Variants in CEP128 observed in about 807,000 individuals in gnomAD.
CEP128 encodes the protein centrosomal protein 128.
Under a neutral mutation model 156.7 loss-of-function variants are expected in CEP128, and 132 were observed. That is an observed-to-expected ratio of 0.84 (90% CI 0.73 to 0.97). CEP128 has a LOEUF of 0.97. Ranked by LOEUF, CEP128 falls within the 50% of genes least tolerant of loss-of-function variation. The probability of loss-of-function intolerance (pLI) is 0.00; values close to 1 mark genes in which losing one functional copy is unlikely to be tolerated. For synonymous variants in CEP128, 469 were observed against 448.9 expected, an observed-to-expected ratio of 1.04 and a Z score of -0.57; for missense variants, 1,252 against 1,281.9, an observed-to-expected ratio of 0.98 and a Z score of 0.36.
At chr14:80,674,874 A>G (rs748438261) in intron 19 of CEP128, among the ~76,000 whole-genome samples, 1 of 152,094 alleles carries the variant, frequency 6.6e-6, no homozygotes, top group Non-Finnish European at 1.5e-5. Context: ...TCTTGCTCCA[A>G]TGCATAAATG....
At chr14:80,807,431 C>A (rs920754180) in intron 13 of CEP128, among the ~76,000 whole-genome samples, 4 of 152,182 alleles carry the variant, frequency 2.6e-5, no homozygotes, top group African/African-American at 9.7e-5. Flanking sequence ...AATAGAGTCT[C>A]ATACCTCAAA....
At chr14:80,666,243 T>C (rs1895606960) in intron 19 of CEP128, among the ~76,000 whole-genome samples, 1 of 152,158 alleles carries the variant, frequency 6.6e-6, no homozygotes, top group African/African-American at 2.4e-5. Context: ...ATATCCAAAT[T>C]CTGCTGACAC....
chr14:80,563,401 G>A (rs934970673), intron 20 of CEP128, among the ~76,000 whole-genome samples: 1 of 151,744 alleles, frequency 6.6e-6, no homozygotes, highest in Non-Finnish European at 1.5e-5. Context: ...GACTTTGAGA[G>A]TCTAATAAAA....
At chr14:80,879,300 T>C (rs1595537074) in intron 8 of CEP128, among the ~76,000 whole-genome samples, 3 of 151,956 alleles carry the variant, frequency 2.0e-5, no homozygotes, top group African/African-American at 7.3e-5. Context: ...AGCAAGGAAA[T>C]ATGACACCAC....
chr14:80,867,904 C>T (rs376946807), intron 8 of CEP128, among the ~76,000 whole-genome samples: 39 of 151,958 alleles, frequency 2.6e-4, no homozygotes, highest in African/African-American at 6.0e-4. Flanking sequence ...CTTACTGAAA[C>T]GCACAATAAT....
intron 12 of CEP128, 34 bp downstream of exon 12, chr14:80,836,171 A>G (rs941222100): frequency 1.5e-5 from 24 of 1,607,860 alleles, no homozygotes; most frequent in Non-Finnish European, 1.5e-5. Flanking sequence ...CCCCACACAC[A>G]TTATCACATT....
chr14:80,503,631 C>T (rs1887837709), intron 24 of CEP128, among the ~76,000 whole-genome samples: 1 of 152,006 alleles, frequency 6.6e-6, no homozygotes, highest in Non-Finnish European at 1.5e-5. Context: ...GTGTGAAGTC[C>T]CTACTTCCAC....
chr14:80,804,863 G>A (rs894863863), intron 13 of CEP128, among the ~76,000 whole-genome samples: 2 of 152,078 alleles, frequency 1.3e-5, no homozygotes, highest in African/African-American at 2.4e-5. Context: ...GTGTGTATAT[G>A]TATTTATAAA....
In CEP128 at chr14:80,788,751, C is replaced by T. The variant is rs115889230; in HGVS notation, c.1561-3206G>A. 1.9e-3 allele frequency among the ~76,000 whole-genome samples: 289 copies of T among 152,182 alleles called. 2 individuals carry two copies. The highest frequency in any genetic ancestry group is 6.4e-3 in the African/African-American group (267 of 41,544). Reference sequence around the variant, plus strand: ...TACCCTACTTCTCCTCTCGGTCAACCCTACAATTTAGGCTATTTTACTTAT... The same window carrying T: ...TACCCTACTTCTCCTCTCGGTCAACTCTACAATTTAGGCTATTTTACTTAT... On this transcript the variant is annotated intron_variant, in intron 14 of 24. Transcript: ENST00000555265.
At chr14:80,831,057 C>T in intron 13 of CEP128, 86 bp downstream of exon 13, 1 of 1,174,130 alleles carries the variant, frequency 8.5e-7, no homozygotes, top group Admixed American at 1.7e-5. Flanking sequence ...CATAAAATAA[C>T]ACATCTTTAT....
intron 19 of CEP128, among the ~76,000 whole-genome samples, chr14:80,678,049 A>AATATATATATATATAC (rs1555390205): frequency 1.0e-5 from 1 of 98,502 alleles, no homozygotes; most frequent in African/African-American, 3.2e-5. Context: ...ATAAAAAAAA[A>AATATATATATATATAC]ATATATATAT....
intron 13 of CEP128, among the ~76,000 whole-genome samples, chr14:80,821,108 C>A (rs1262810014): frequency 6.6e-6 from 1 of 152,106 alleles, no homozygotes; most frequent in East Asian, 1.9e-4. Context: ...ATAATTTGTA[C>A]TATTTGAACA....
intron 19 of CEP128, among the ~76,000 whole-genome samples, chr14:80,655,025 T>A (rs945478886): frequency 2.0e-5 from 3 of 152,152 alleles, no homozygotes; most frequent in Admixed American, 6.6e-5. Context: ...TTTTTTTCTC[T>A]CACCCTCTTT....
chr14:80,828,953 A>C (rs566098153), intron 13 of CEP128, among the ~76,000 whole-genome samples: 1 of 152,308 alleles, frequency 6.6e-6, no homozygotes, highest in South Asian at 2.1e-4. Context: ...ATATTTTCTA[A>C]AAATAAAGCA....
chr14:80,955,548 C>A, intron 2 of CEP128: 1 of 1,085,188 alleles, frequency 9.2e-7, no homozygotes, highest in Non-Finnish European at 1.4e-6. Flanking sequence ...GGTGAGGTCA[C>A]AGCCCCTTGG....
chr14:80,930,382 C>T (rs940343520), intron 2 of CEP128, among the ~76,000 whole-genome samples: 1 of 152,212 alleles, frequency 6.6e-6, no homozygotes, highest in African/African-American at 2.4e-5. Context: ...CTTTCCTGCA[C>T]TATGCACTTG....
chr14:80,728,789 G>A (rs1898116432), intron 19 of CEP128, among the ~76,000 whole-genome samples: 1 of 152,152 alleles, frequency 6.6e-6, no homozygotes, highest in Non-Finnish European at 1.5e-5. Context: ...TAATAACTAT[G>A]TATGCAGATA....
In CEP128 at chr14:80,480,815, CA is replaced by C. The variant is rs1316353562; in HGVS notation, c.*311-2409del. Reference sequence around the variant, plus strand: ...TTCAAAGTTCCACAGATCTCTAGGACAGGGGCAAAATGCAGCCAGTCTCTTT... The same window carrying C: ...TTCAAAGTTCCACAGATCTCTAGGACGGGGCAAAATGCAGCCAGTCTCTTT... On this transcript the variant is annotated intron_variant and NMD_transcript_variant, in intron 14 of 14. Transcript: ENST00000554502. 2.6e-5 allele frequency among the ~76,000 whole-genome samples: 4 copies of C among 152,164 alleles called. No homozygotes were observed. In the South Asian group the frequency reaches 6.2e-4, roughly 24 times the overall value.
chr14:80,566,667 A>G (rs1315223080), intron 20 of CEP128, among the ~76,000 whole-genome samples: 4 of 152,252 alleles, frequency 2.6e-5, no homozygotes, highest in African/African-American at 4.8e-5. Context: ...AAGTTTGTCT[A>G]TACATCAAAT....
Sources: gnomAD v4.1 joint callset for allele counts (sites outside exome capture counted in the v4.1 genomes callset) on GRCh38, gnomAD v4.1.1 for gene constraint, MANE v1.5 for transcripts, NCBI Gene and HGNC (gene_info 2026-07-23, HGNC 2026-07-21) for gene names.